The following CARD10 variants were observed in gnomAD, a reference collection of about 807,000 sequenced individuals.
CARD10 encodes the protein caspase recruitment domain-containing protein 10.
Under a neutral mutation model 114.6 loss-of-function variants are expected in CARD10, and 49 were observed. That is an observed-to-expected ratio of 0.43 (90% confidence interval 0.34 to 0.54). CARD10 has a LOEUF of 0.54. CARD10 is among the 20% of genes least tolerant of loss of function. The pLI is 0.03. For synonymous variants in CARD10, 602 were observed against 593.2 expected, an observed-to-expected ratio of 1.01 and a Z score of -0.21; for missense variants, 1,206 against 1,397.2, an observed-to-expected ratio of 0.86 and a Z score of 2.18.
intron 16 of CARD10, among the ~76,000 whole-genome samples, chr22:37,493,465 G>A (rs143885650): frequency 4.5e-4 from 69 of 152,262 alleles, no homozygotes; most frequent in African/African-American, 1.6e-3. Context: ...CTCCATGAGG[G>A]CAGGGACAGT....
chr22:37,500,059 G>A (rs544168182), intron 11 of CARD10, among the ~76,000 whole-genome samples: 254 of 152,286 alleles, frequency 1.7e-3, no homozygotes, highest in Non-Finnish European at 2.7e-3. Context: ...TGTCCCCCAG[G>A]GCCCCGTGGG....
At chr22:37,511,406 A>G (rs1601817918) in intron 3 of CARD10, among the ~76,000 whole-genome samples, 14 of 95,440 alleles carry the variant, frequency 1.5e-4, no homozygotes, top group Admixed American at 6.0e-4. Context: ...GGTGAGGAGG[A>G]GGAGGGGAGG....
chr22:37,494,352 C>T, intron 15 of CARD10, 164 bp from the exon 16 acceptor site: 1 of 604,460 alleles, frequency 1.7e-6, no homozygotes, highest in Non-Finnish European at 2.9e-6. Flanking sequence ...CAGGCCCTCC[C>T]CTGCCCCTCC....
At chr22:37,508,459 A>C (rs1277791514) in intron 5 of CARD10, 68 bp downstream of exon 5, 1 of 1,424,626 alleles carries the variant, frequency 7.0e-7, no homozygotes, top group East Asian at 2.4e-5. Flanking sequence ...TGCTCAGGGA[A>C]GGCGTGAGCA....
chr22:37,516,280 C>G lies in CARD10; in HGVS notation c.392G>C (p.Gly131Ala). The G allele has an allele frequency of 1.9e-6, 3 of 1,594,240 alleles. No homozygotes were observed. The highest frequency in any genetic ancestry group is 2.6e-6 in the Non-Finnish European group (3 of 1,170,338). ...SMILDEEGPE[G>A]LTQFLMTEVR... ...CTCTGTCATCAAGAATTGGGTCAGG[C>G]CCTCAGGCCCCTCCTCATCTGCCAG... Residue 131 changes from glycine (G) to alanine (A), a missense_variant, in exon 3 of 20, where the codon GGC (glycine) becomes GCC (alanine). Gly to Ala is a moderately conservative substitution (Grantham distance 60). Transcript: ENST00000251973.
chr22:37,511,414 A>G (rs1244247502), intron 3 of CARD10, among the ~76,000 whole-genome samples: 21 of 91,510 alleles, frequency 2.3e-4, no homozygotes, highest in East Asian at 1.0e-3. Context: ...GGAGGAGGGG[A>G]GGAGGAGGGA....
At chr22:37,511,359 A>G (rs1456316042) in intron 3 of CARD10, among the ~76,000 whole-genome samples, 1 of 81,756 alleles carries the variant, frequency 1.2e-5, no homozygotes, top group Non-Finnish European at 2.4e-5. Context: ...CCCTGTCTCA[A>G]AAAAAAAAAA....
At chr22:37,491,564 ACGGGGGAGGGAG>A (rs1569161271) in intron 19 of CARD10, among the ~76,000 whole-genome samples, 171 bp from the exon 20 acceptor site, 1 of 1,560 alleles carries the variant, frequency 6.4e-4, no homozygotes, top group Admixed American at 8.1e-3. Context: ...GGAGGGAGAG[ACGGGGGAGGGAG>A]GGGGGAGGGA....
At chr22:37,510,443 A>G (rs775828449) in intron 3 of CARD10, 22 bp from the exon 4 acceptor site, 2 of 1,610,832 alleles carry the variant, frequency 1.2e-6, no homozygotes, top group Non-Finnish European at 1.7e-6. Context: ...GACATGGGTC[A>G]GCCCAGAGGG....
intron 16 of CARD10, 134 bp downstream of exon 16, chr22:37,493,952 C>T: frequency 1.4e-6 from 1 of 724,370 alleles, no homozygotes; most frequent in Non-Finnish European, 2.5e-6. Flanking sequence ...CCAGCATGAC[C>T]CCCACTCCTG....
chr22:37,491,368 G>A lies in CARD10; in HGVS notation c.2890C>T (p.Arg964Trp), dbSNP rs867492441. 5.3e-6 allele frequency: 8 copies of A among 1,506,426 alleles called. No homozygotes were observed. The highest frequency in any genetic ancestry group is 1.3e-5 in the South Asian group (1 of 78,500). The allele number at this position is 1,506,426 out of a possible 1,614,324, so 93.3% of individuals were successfully genotyped here. A position where few individuals can be genotyped will look rare whatever the true frequency, so the allele number is the denominator to read the frequency against. ...VRGLLGRPGW[R>W]DSELLRQCRG... ...CACTGCCGCAGCAGCTCTGAGTCCC[G>A]CCAGCCCGGCCGGCCCAGCAGACCC... The change falls in exon 20 of 20, where the codon CGG becomes TGG. Residue 964 changes from arginine (R) to tryptophan (W), a missense_variant. Arg to Trp is a moderately radical substitution (Grantham distance 101). Around this residue, in one of 2 missense-constraint regions of CARD10, gnomAD observed 1,068 missense variants for 1,179.1 expected, o/e 0.91. Transcript: ENST00000251973.
chr22:37,496,815 T>C lies in CARD10; in HGVS notation c.1947+204A>G, dbSNP rs1923021341. 1.5e-6 allele frequency: 1 copy of C among 683,126 alleles called. No individual in the cohort carries two copies. Among genetic ancestry groups the C allele is most frequent in the African/African-American group, 1.8e-5 (1 of 55,612 alleles). 42.3% of individuals were successfully genotyped at this position (683,126 alleles called of 1,614,324 possible). ...GCGCAGGAATGTAACGTGCTGTCAG[T>C]TGGCTCCACCTCCCAGTCCCTGCCC... is the stretch of plus-strand genomic sequence containing the variant. On this transcript the variant is annotated intron_variant, in intron 12 of 19. Coordinates refer to ENST00000251973, the MANE Select transcript of CARD10 (RefSeq NM_014550.4). This position sits in a 1 kb window ranked among gnomAD's most constrained non-coding sequence, Gnocchi z 4.1.
At chr22:37,514,387 C>T (rs1271744431) in intron 3 of CARD10, among the ~76,000 whole-genome samples, 2 of 152,090 alleles carry the variant, frequency 1.3e-5, no homozygotes, top group African/African-American at 2.4e-5. Flanking sequence ...CATGGTTTTT[C>T]ACAGTAGAGC....
Position 37,496,987 on chromosome 22 carries a change from C to T in CARD10, c.1947+32G>A, listed in dbSNP as rs1186857462. On this transcript the variant is annotated intron_variant, in intron 12 of 19. Transcript: ENST00000251973. The surrounding 1 kb of genome is among the most constrained non-coding windows in gnomAD (Gnocchi z 4.1). ...TCCAGCCTGGGCAAAAGCACTGACC[C>T]TACCCCCCCAGCTCAGGAGGCAGGG... 6.4e-7 allele frequency: 1 copy of T among 1,567,518 alleles called. No homozygotes were observed. The highest frequency in any genetic ancestry group is 1.4e-5 in the African/African-American group (1 of 73,352).
Position 37,503,930 on chromosome 22 carries a change from G to C in CARD10, c.1634+256C>G, listed in dbSNP as rs538536592. On this transcript the variant is annotated intron_variant, in intron 9 of 19. Coordinates refer to ENST00000251973, the MANE Select transcript of CARD10 (RefSeq NM_014550.4). ...CTTGGGTATAGGATCTTCAAGGCTT[G>C]ACCCCCAGTGACCCTCCTGCCAGGA... The C allele has an allele frequency of 3.3e-4, 215 of 656,018 alleles. 4 individuals are homozygous for C. The South Asian group carries it at 3.3e-3, about 10-fold the overall frequency. The allele number at this position is 656,018 out of a possible 1,614,324, so 40.6% of individuals were successfully genotyped here. A position where few individuals can be genotyped will look rare whatever the true frequency, so the allele number is the denominator to read the frequency against.
chr22:37,495,671 G>C, intron 14 of CARD10, 85 bp from the exon 15 acceptor site: 1 of 1,609,372 alleles, frequency 6.2e-7, no homozygotes, highest in Non-Finnish European at 8.5e-7. Flanking sequence ...CCCAGAGGAT[G>C]GTGAGGGAAT....
chr22:37,496,431 C>T lies in CARD10; in HGVS notation c.2059+18G>A. 1.1e-5 allele frequency: 18 copies of T among 1,585,916 alleles called. No individual in the cohort carries two copies. The highest frequency in any genetic ancestry group is 1.6e-5 in the Non-Finnish European group (18 of 1,156,044). Reference sequence around the variant, plus strand: ...ACCCCTCTGGGGCCAACAGCTCCGACTCCCAAGCCAGACTTACCCTTCGAG... The same window carrying T: ...ACCCCTCTGGGGCCAACAGCTCCGATTCCCAAGCCAGACTTACCCTTCGAG... On this transcript the variant is annotated intron_variant, in intron 13 of 19. Transcript: ENST00000251973. The surrounding 1 kb of genome is among the most constrained non-coding windows in gnomAD (Gnocchi z 4.1).
At chr22:37,508,084 GC>G in intron 5 of CARD10, 130 bp from the exon 6 acceptor site, 1 of 1,077,136 alleles carries the variant, frequency 9.3e-7, no homozygotes, top group Non-Finnish European at 1.4e-6. Flanking sequence ...GTCCCCTCCT[GC>G]CCAGTGGAGT....
At position 37,507,893 on chromosome 22, in the gene CARD10, A is replaced by G. The variant is rs1246991502; in HGVS notation, c.1127T>C (p.Leu376Pro). ...KHRTLQKDCD[L>P]YKHRMATVLA... ...GACAGTGGCCATGCGGTGCTTGTAC[A>G]GGTCACAGTCCTTCTGCAGCGTGCG... The change falls in exon 6 of 20, where the codon CTG becomes CCG. Residue 376 changes from leucine (L) to proline (P), a missense_variant. Physicochemically the swap from Leu to Pro is moderately conservative, Grantham distance 98. Around this residue, in one of 2 missense-constraint regions of CARD10, gnomAD observed 1,068 missense variants for 1,179.1 expected, o/e 0.91. Coordinates refer to ENST00000251973, the MANE Select transcript of CARD10 (RefSeq NM_014550.4). 1.9e-6 allele frequency: 3 copies of G among 1,614,144 alleles called. No individual in the cohort carries two copies. The highest frequency in any genetic ancestry group is 1.1e-5 in the South Asian group (1 of 91,082).
Sources: gnomAD v4.1 joint callset for allele counts (sites outside exome capture counted in the v4.1 genomes callset) on GRCh38, gnomAD v4.1.1 for gene constraint, gnomAD v4.1.1 regional missense constraint, Gnocchi (gnomAD v3.1) non-coding constraint, MANE v1.5 for transcripts, NCBI Gene and HGNC (gene_info 2026-07-23, HGNC 2026-07-21) for gene names.